The following SPIN1 variants were observed in gnomAD, a reference collection of about 807,000 sequenced individuals.
SPIN1 encodes spindlin-1.
A neutral mutation model predicts 26.0 loss-of-function variants in SPIN1; 3 were observed. The observed-to-expected ratio is 0.12, with a 90% confidence interval of 0.05 to 0.30. The LOEUF is 0.30. Ranked by LOEUF, SPIN1 falls within the 10% of genes least tolerant of loss-of-function variation. The pLI is 1.00. For missense variants in SPIN1, 126 were observed against 333.4 expected (o/e 0.38, Z 4.84); for synonymous variants, 101 against 116.5 (o/e 0.87, Z 0.86).
At chr9:88,406,052 T>G (rs1259869580) in intron 1 of SPIN1, among the ~76,000 whole-genome samples, 1 of 150,698 alleles carries the variant, frequency 6.6e-6, no homozygotes, top group Non-Finnish European at 1.5e-5. Context: ...TACGTGTACG[T>G]GTAGAGATAG....
chr9:88,397,983 A>G (rs890182830), intron 1 of SPIN1, among the ~76,000 whole-genome samples: 1 of 150,994 alleles, frequency 6.6e-6, no homozygotes, highest in Non-Finnish European at 1.5e-5. Flanking sequence ...GTGCAGTGGC[A>G]CAGTTTTGGC....
At chr9:88,401,804 A>C (rs1027333157) in intron 1 of SPIN1, among the ~76,000 whole-genome samples, 1 of 152,210 alleles carries the variant, frequency 6.6e-6, no homozygotes, top group Non-Finnish European at 1.5e-5. Flanking sequence ...GTTCTTGCTT[A>C]TGTTGAGATG....
At chr9:88,449,329 C>T (rs1304004555) in intron 3 of SPIN1, among the ~76,000 whole-genome samples, 1 of 152,084 alleles carries the variant, frequency 6.6e-6, no homozygotes, top group Non-Finnish European at 1.5e-5. Context: ...CAGGCTTCCT[C>T]TCCTGGTCTT....
intron 1 of SPIN1, chr9:88,410,860 C>G: frequency 1.1e-6 from 1 of 928,246 alleles, no homozygotes; most frequent in Non-Finnish European, 1.8e-6. Flanking sequence ...ACGACCACCA[C>G]GTTTCCAGAA....
At chr9:88,474,766 CTA>C (rs1828855754) in intron 5 of SPIN1, among the ~76,000 whole-genome samples, 3 of 151,986 alleles carry the variant, frequency 2.0e-5, no homozygotes, top group South Asian at 4.1e-4. Flanking sequence ...GGTCGGCAAA[CTA>C]TGAAAAAAAG....
intron 1 of SPIN1, chr9:88,418,686 T>C (rs934051994): frequency 6.6e-6 from 1 of 152,246 alleles, no homozygotes; most frequent in African/African-American, 2.4e-5. Context: ...GAAATATTCA[T>C]GTTTTAGCCT....
chr9:88,403,610 G>A (rs1266051162), intron 1 of SPIN1, among the ~76,000 whole-genome samples: 2 of 152,086 alleles, frequency 1.3e-5, no homozygotes, highest in Non-Finnish European at 2.9e-5. Flanking sequence ...ACTCGGGAGG[G>A]TAATGTGGGT....
chr9:88,408,742 C>T (rs1156655541), intron 1 of SPIN1, among the ~76,000 whole-genome samples: 22 of 147,600 alleles, frequency 1.5e-4, no homozygotes, highest in Admixed American at 6.1e-4. Flanking sequence ...GGCGCGATCT[C>T]GGCTCACTGC....
At chr9:88,418,402 A>T (rs1780968117) in intron 1 of SPIN1, among the ~76,000 whole-genome samples, 1 of 152,176 alleles carries the variant, frequency 6.6e-6, no homozygotes, top group African/African-American at 2.4e-5. Context: ...TTTTTTGTTT[A>T]GGTCTTGTTG....
intron 1 of SPIN1, among the ~76,000 whole-genome samples, chr9:88,389,850 G>GT (rs555537163): frequency 8.6e-5 from 13 of 152,042 alleles, no homozygotes; most frequent in South Asian, 2.1e-4. Flanking sequence ...GATATACTGA[G>GT]TTTTTTTTAA....
At chr9:88,401,418 C>A (rs1827184475) in intron 1 of SPIN1, among the ~76,000 whole-genome samples, 1 of 152,146 alleles carries the variant, frequency 6.6e-6, no homozygotes, top group Non-Finnish European at 1.5e-5. Flanking sequence ...AGGACCCACA[C>A]TCCGCCTGCC....
intron 1 of SPIN1, among the ~76,000 whole-genome samples, chr9:88,405,506 C>A: frequency 6.9e-6 from 1 of 145,736 alleles, no homozygotes; most frequent in African/African-American, 2.6e-5. Flanking sequence ...GGATTACAGT[C>A]GTGAGCCACA....
chr9:88,470,256 A>T (rs890767241), intron 5 of SPIN1, among the ~76,000 whole-genome samples: 12 of 152,166 alleles, frequency 7.9e-5, no homozygotes, highest in Non-Finnish European at 1.6e-4. Flanking sequence ...CTTGGTTATT[A>T]TGAATAATGC....
intron 3 of SPIN1, among the ~76,000 whole-genome samples, chr9:88,461,318 C>T (rs1254540352): frequency 6.6e-6 from 1 of 152,134 alleles, no homozygotes; most frequent in African/African-American, 2.4e-5. Flanking sequence ...CAGTCTTGCA[C>T]TTAACCCTGT....
chr9:88,443,618 C>T lies in SPIN1; in HGVS notation c.53-5323C>T, dbSNP rs1828184561. ...AATACTGCTTTTTGCATTTCAAAGC[C>T]TGTGATTTCTTGTTGAAAGGCGCAG... On this transcript the variant is annotated intron_variant, in intron 2 of 5. Coordinates refer to ENST00000375859, the MANE Select transcript of SPIN1 (RefSeq NM_006717.3). Among the ~76,000 whole-genome samples the T allele has an allele frequency of 3.9e-5, 6 of 152,234 alleles. No individual in the cohort carries two copies. In the South Asian group the frequency reaches 1.2e-3, roughly 32 times the overall value.
chr9:88,411,665 C>T (rs557170941), intron 1 of SPIN1, among the ~76,000 whole-genome samples: 35 of 152,074 alleles, frequency 2.3e-4, no homozygotes, highest in African/African-American at 7.0e-4. Context: ...AGGTATGCAT[C>T]GGCATGCCTG....
rs577777172 is a variant in SPIN1 at position 88,475,577 on chromosome 9, T to C, written c.*300T>C. On this transcript the variant is annotated 3_prime_UTR_variant, in exon 6 of 6. Coordinates refer to ENST00000375859, the MANE Select transcript of SPIN1 (RefSeq NM_006717.3). ...TAAAATTGTAATAGATCTTAACCAT[T>C]TTCCCCCTCACCCTAACTCTCTTAT... The C allele has an allele frequency of 3.7e-5, 9 of 243,276 alleles. No homozygotes were observed. 15.1% of individuals were successfully genotyped at this position (243,276 alleles called of 1,614,324 possible).
chr9:88,401,590 A>T (rs1169522443), intron 1 of SPIN1, among the ~76,000 whole-genome samples: 1 of 152,248 alleles, frequency 6.6e-6, no homozygotes, highest in Admixed American at 6.5e-5. Context: ...CTATACAAAT[A>T]GTTATACTGT....
At chr9:88,396,846 A>G (rs1230188527) in intron 1 of SPIN1, among the ~76,000 whole-genome samples, 1 of 152,138 alleles carries the variant, frequency 6.6e-6, no homozygotes, top group Admixed American at 6.6e-5. Flanking sequence ...ACAAACCTGT[A>G]CAGCATATGA....
Sources: gnomAD v4.1 joint callset for allele counts (sites outside exome capture counted in the v4.1 genomes callset) on GRCh38, gnomAD v4.1.1 for gene constraint, MANE v1.5 for transcripts, NCBI Gene and HGNC (gene_info 2026-07-23, HGNC 2026-07-21) for gene names.